Variants in PCBP2 observed in about 807,000 individuals in gnomAD.
PCBP2 encodes poly(rC) binding protein 2, also known as poly(rC)-binding protein 2.
A neutral mutation model predicts 50.1 loss-of-function variants in PCBP2; 4 were observed. The ratio of observed to expected loss-of-function variants is 0.08; its 90% CI spans 0.04 to 0.18. The LOEUF (loss-of-function observed/expected upper bound fraction) is 0.18. Among genes scored for constraint, PCBP2 ranks in the 10% least tolerant of loss-of-function variants. PCBP2 has a pLI of 1.00. For synonymous variants in PCBP2, 179 were observed against 168.0 expected (o/e 1.07, Z -0.51); for missense variants, 161 against 474.3 (o/e 0.34, Z 6.14).
At chr12:53,453,205 T>A (rs548437176) in intron 1 of PCBP2, 7 of 148,876 alleles carry the variant, frequency 4.7e-5, no homozygotes, top group African/African-American at 1.8e-4. Flanking sequence ...GTTTCCTGTT[T>A]TGTTTTTTTT....
Position 53,461,715 on chromosome 12 carries a change from C to CGTGT in PCBP2, c.504+586_504+589dup, listed in dbSNP as rs548706003. On this transcript the variant is annotated intron_variant, in intron 7 of 14. Transcript: ENST00000546463. ...TGGTGAGAAATGAAACGAATTTTTT[C>CGTGT]GTGTGTGTGTGTGTGTGACGGGTTC... Among the ~76,000 whole-genome samples the CGTGT allele has an allele frequency of 9.2e-4, 138 of 150,750 alleles. 1 individual carries two copies. Among genetic ancestry groups the CGTGT allele is most frequent in the Non-Finnish European group, 2.8e-4 (19 of 67,568 alleles).
intron 14 of PCBP2, among the ~76,000 whole-genome samples, chr12:53,478,503 A>AAAAT (rs527585448): frequency 2.6e-4 from 39 of 151,884 alleles, no homozygotes; most frequent in East Asian, 2.3e-3. Flanking sequence ...CAGTCTCAAA[A>AAAAT]AAATAAATAA....
chr12:53,461,171 G>T (rs763092426), intron 7 of PCBP2, 28 bp downstream of exon 7: 11 of 1,610,476 alleles, frequency 6.8e-6, no homozygotes, highest in South Asian at 1.1e-5. Context: ...TGCTGAAAAT[G>T]GGGGGAGGGC....
At chr12:53,457,509 C>G (rs1941119061) in intron 5 of PCBP2, among the ~76,000 whole-genome samples, 1 of 152,008 alleles carries the variant, frequency 6.6e-6, no homozygotes. Flanking sequence ...CCATGTCTGG[C>G]TAGTTTTCAT....
intron 14 of PCBP2, among the ~76,000 whole-genome samples, chr12:53,477,025 T>A (rs1007676821): frequency 1.3e-5 from 2 of 152,142 alleles, no homozygotes; most frequent in African/African-American, 2.4e-5. Context: ...GCCTCAGTTT[T>A]AAATTTTTTT....
rs924657715 is a variant in PCBP2, at chr12:53,480,424, C to T, written c.*982C>T. On this transcript the variant is annotated 3_prime_UTR_variant, in exon 15 of 15. Coordinates refer to ENST00000546463, the MANE Select transcript of PCBP2 (RefSeq NM_031989.5). ...TTCTCCAGACACCTCAGATAAAGTC[C>T]GGAGCCCAAGGCTTTATCTTAACCA... 2.6e-5 allele frequency: 4 copies of T among 152,384 alleles called. No homozygotes were observed. Among genetic ancestry groups the T allele is most frequent in the Non-Finnish European group, 5.9e-5 (4 of 68,016 alleles). 9.4% of individuals were successfully genotyped at this position (152,384 alleles called of 1,614,324 possible).
At chr12:53,454,456 C>T in intron 1 of PCBP2, 1 of 244,244 alleles carries the variant, frequency 4.1e-6, no homozygotes, top group Non-Finnish European at 8.1e-6. Context: ...TTCCTTAGAA[C>T]CATTGCCAAT....
intron 10 of PCBP2, among the ~76,000 whole-genome samples, 186 bp downstream of exon 10, chr12:53,466,159 A>G (rs1941805052): frequency 6.6e-6 from 1 of 152,162 alleles, no homozygotes; most frequent in African/African-American, 2.4e-5. Flanking sequence ...TTTGCCTTTT[A>G]ACATTTAACC....
intron 5 of PCBP2, among the ~76,000 whole-genome samples, chr12:53,457,824 C>A (rs1294129185): frequency 2.0e-5 from 3 of 152,102 alleles, no homozygotes; most frequent in Non-Finnish European, 4.4e-5. Context: ...GCTTAATCTT[C>A]AGAAGGCTAA....
In PCBP2 at chr12:53,467,214, C is replaced by G; in HGVS notation, c.715-7C>G. The G allele has an allele frequency of 6.2e-7, 1 of 1,611,102 alleles. No individual in the cohort carries two copies. Among genetic ancestry groups the G allele is most frequent in the Non-Finnish European group, 8.5e-7 (1 of 1,177,560 alleles). ...TCTAATGCCAACCTCCTGTTTCCTC[C>G]TTGCAGTTGACCAAGCTGCACCAGT... On this transcript the variant is annotated splice_region_variant and splice_polypyrimidine_tract_variant and intron_variant, in intron 10 of 14. Coordinates refer to ENST00000546463, the MANE Select transcript of PCBP2 (RefSeq NM_031989.5).
intron 4 of PCBP2, 32 bp downstream of exon 4, chr12:53,455,525 T>C (rs755402631): frequency 6.2e-7 from 1 of 1,609,012 alleles, no homozygotes; most frequent in Non-Finnish European, 8.5e-7. Flanking sequence ...TTGTTAACTT[T>C]GGGAAGTAAA....
In PCBP2 at chr12:53,464,767, A is replaced by G; in HGVS notation, c.587A>G (p.Tyr196Cys). 1.2e-6 allele frequency: 2 copies of G among 1,612,644 alleles called. No individual in the cohort carries two copies. The highest frequency in any genetic ancestry group is 1.7e-6 in the Non-Finnish European group (2 of 1,179,382). The change falls in exon 9 of 15, where the codon TAC becomes TGC. Residue 196 changes from tyrosine (Y) to cysteine (C), a missense_variant. Physicochemically the swap from Tyr to Cys is radical, Grantham distance 194. Transcript: ENST00000546463. ...PVIFAGGQDR[Y>C]STGSDSASFP... ...TCCTCTATTTATCCACAGGACAGGTACAGCACAGGCAGCGACAGTGCGAGC... is the reference window on the plus strand; with the variant it reads ...TCCTCTATTTATCCACAGGACAGGTGCAGCACAGGCAGCGACAGTGCGAGC...
chr12:53,460,281 A>G (rs1941361153), intron 6 of PCBP2: 1 of 280,306 alleles, frequency 3.6e-6, no homozygotes, highest in Non-Finnish European at 7.3e-6. Flanking sequence ...CTGGTACCAT[A>G]GGCGCGCTCC....
At chr12:53,459,567 T>G (rs1253453808) in intron 6 of PCBP2, among the ~76,000 whole-genome samples, 164 bp downstream of exon 6, 3 of 152,186 alleles carry the variant, frequency 2.0e-5, no homozygotes, top group Non-Finnish European at 4.4e-5. Flanking sequence ...TGCAATAGAA[T>G]TATTTTGCAT....
At position 53,461,026 on chromosome 12, in the gene PCBP2, T is replaced by C. The variant is rs1364095243; in HGVS notation, c.387T>C (p.Ala129=). The change falls in exon 7 of 15, where the codon GCT becomes GCC. Residue 129 remains alanine, a synonymous_variant. Coordinates refer to ENST00000546463, the MANE Select transcript of PCBP2 (RefSeq NM_031989.5). The part of the protein sequence containing the change: ...KIKEIRESTG[A]QVQVAGDMLP... Reference sequence around the variant, plus strand: ...TTTTTACTCCAAAGAGTACAGGGGCTCAGGTCCAGGTGGCAGGGGATATGC... The same window carrying C: ...TTTTTACTCCAAAGAGTACAGGGGCCCAGGTCCAGGTGGCAGGGGATATGC... 1 of 1,613,548 alleles carries C rather than the reference T, an allele frequency of 6.2e-7. No individual in the cohort carries two copies. The highest frequency in any genetic ancestry group is 8.5e-7 in the Non-Finnish European group (1 of 1,179,978).
chr12:53,457,891 A>G (rs547024611), intron 5 of PCBP2, among the ~76,000 whole-genome samples: 5 of 152,186 alleles, frequency 3.3e-5, no homozygotes, highest in Non-Finnish European at 5.9e-5. Flanking sequence ...GGGAAAGACT[A>G]TAGGCTTTGA....
intron 5 of PCBP2, among the ~76,000 whole-genome samples, chr12:53,457,933 T>C (rs549778074): frequency 6.6e-6 from 1 of 152,148 alleles, no homozygotes; most frequent in Non-Finnish European, 1.5e-5. Flanking sequence ...GGTTTGTTTT[T>C]TTTGTTTGTT....
intron 2 of PCBP2, 101 bp from the exon 3 acceptor site, chr12:53,455,246 A>G: frequency 1.8e-6 from 2 of 1,106,156 alleles, no homozygotes; most frequent in Non-Finnish European, 2.6e-6. Flanking sequence ...TTCATAATGA[A>G]TACTTCATTA....
intron 8 of PCBP2, among the ~76,000 whole-genome samples, chr12:53,463,689 A>G (rs1404830301): frequency 1.3e-5 from 2 of 152,214 alleles, no homozygotes; most frequent in Admixed American, 6.5e-5. Flanking sequence ...ACGTAGGGAC[A>G]CCTAGGGACA....
Sources: allele counts gnomAD v4.1 joint callset (sites outside exome capture counted in the v4.1 genomes callset), GRCh38; gene constraint gnomAD v4.1.1; transcripts MANE v1.5; gene names NCBI Gene and HGNC (gene_info 2026-07-23, HGNC 2026-07-21).